The following COL4A2 variants were observed in gnomAD, a reference collection of about 807,000 sequenced individuals.
The protein encoded by COL4A2 is collagen alpha-2(IV) chain.
A neutral mutation model predicts 200.2 loss-of-function variants in COL4A2; 99 were observed. The observed-to-expected ratio is 0.49, with a 90% CI of 0.42 to 0.58. COL4A2 has a LOEUF of 0.58. COL4A2 is among the 20% of genes least tolerant of loss of function. The pLI, the probability that COL4A2 is intolerant of heterozygous loss-of-function variation, is 0.00. For synonymous variants in COL4A2, 897 were observed against 900.6 expected, an observed-to-expected ratio of 1.00 and a Z score of 0.07; for missense variants, 1,950 against 2,314.1, an observed-to-expected ratio of 0.84 and a Z score of 3.23.
At chr13:110,472,246 G>A (rs1882501249) in intron 28 of COL4A2, among the ~76,000 whole-genome samples, 1 of 151,908 alleles carries the variant, frequency 6.6e-6, no homozygotes, top group African/African-American at 2.4e-5. Flanking sequence ...CTCCTGAGTA[G>A]CTGGGACTAC....
chr13:110,465,639 G>C, intron 25 of COL4A2, 33 bp downstream of exon 25: 1 of 1,533,664 alleles, frequency 6.5e-7, no homozygotes, highest in Non-Finnish European at 8.9e-7. Context: ...ACCTTTCACA[G>C]TCCTGAGACA....
At chr13:110,469,150 C>A in intron 27 of COL4A2, 67 bp from the exon 28 acceptor site, 1 of 1,529,644 alleles carries the variant, frequency 6.5e-7, no homozygotes, top group South Asian at 1.2e-5. Flanking sequence ...AGTCAGATGC[C>A]AAGCATGACC....
At chr13:110,424,651 ATGTAGTTTTG>A in intron 4 of COL4A2, 73 bp from the exon 5 acceptor site, 1 of 911,790 alleles carries the variant, frequency 1.1e-6, no homozygotes, top group Non-Finnish European at 1.7e-6. Context: ...AAAAAAAAAA[ATGTAGTTTTG>A]AAAGTAACCG....
chr13:110,455,462 C>T (rs1432772516), intron 20 of COL4A2, among the ~76,000 whole-genome samples: 1 of 152,208 alleles, frequency 6.6e-6, no homozygotes, highest in Non-Finnish European at 1.5e-5. Context: ...CACTGGGCCT[C>T]TCCCTGCTGC....
At chr13:110,327,343 A>C (rs1885445841) in intron 3 of COL4A2, among the ~76,000 whole-genome samples, 1 of 152,148 alleles carries the variant, frequency 6.6e-6, no homozygotes, top group African/African-American at 2.4e-5. Flanking sequence ...CAGCACACAC[A>C]ATCACCCACT....
intron 4 of COL4A2, among the ~76,000 whole-genome samples, chr13:110,409,452 C>T (rs543129857): frequency 6.6e-6 from 1 of 152,256 alleles, no homozygotes; most frequent in Non-Finnish European, 1.5e-5. Flanking sequence ...TTGGTGTCTG[C>T]GCTGCTGCCG....
chr13:110,437,183 AC>A (rs1173660242), intron 13 of COL4A2, among the ~76,000 whole-genome samples: 1 of 152,112 alleles, frequency 6.6e-6, no homozygotes, highest in East Asian at 1.9e-4. Flanking sequence ...GGCAGGCAGG[AC>A]CACTGCCTTG....
intron 4 of COL4A2, among the ~76,000 whole-genome samples, chr13:110,362,540 T>G (rs1877565843): frequency 6.6e-6 from 1 of 152,044 alleles, no homozygotes; most frequent in Non-Finnish European, 1.5e-5. Context: ...AGTCTGGTCT[T>G]GAACTCCTAA....
intron 4 of COL4A2, 115 bp from the exon 5 acceptor site, chr13:110,424,619 T>A (rs986921498): frequency 2.7e-5 from 17 of 622,428 alleles, no homozygotes; most frequent in Non-Finnish European, 4.2e-5. Flanking sequence ...ATGTTCCCTG[T>A]AGATTATAGC....
intron 40 of COL4A2, among the ~76,000 whole-genome samples, chr13:110,499,231 G>A (rs1380386072): frequency 1.3e-5 from 2 of 152,202 alleles, no homozygotes; most frequent in African/African-American, 4.8e-5. Context: ...AGAAATACCA[G>A]AGACTGGGTA....
rs111594847 is a variant in COL4A2 at position 110,485,472 on chromosome 13, G to A, written c.3026-183G>A. ...GGGGAGGCAGAGCTTGTAGTGAGCCGAGATTGCGCCACTGCACTCCAGCCT... is the reference window on the plus strand; with the variant it reads ...GGGGAGGCAGAGCTTGTAGTGAGCCAAGATTGCGCCACTGCACTCCAGCCT... On this transcript the variant is annotated intron_variant, in intron 33 of 47. Transcript: ENST00000360467. 0.02 allele frequency among the ~76,000 whole-genome samples: 2,787 copies of A among 141,986 alleles called. 85 individuals are homozygous for A. The highest frequency in any genetic ancestry group is 0.069 in the African/African-American group (2,604 of 37,992). The allele number at this position is 141,986 out of a possible 152,430, so 93.1% of individuals were successfully genotyped here.
chr13:110,437,962 C>G lies in COL4A2; in HGVS notation c.826-40C>G, dbSNP rs1880958263. The G allele has an allele frequency of 1.9e-6, 3 of 1,570,734 alleles. No homozygotes were observed. The South Asian group carries it at 3.3e-5, about 17-fold the overall frequency. On this transcript the variant is annotated intron_variant, in intron 13 of 47. Coordinates refer to ENST00000360467, the MANE Select transcript of COL4A2 (RefSeq NM_001846.4). The stretch of plus-strand genomic sequence containing the variant: ...ATTGATTTTTACCCATTACCATCCT[C>G]AAATTAATAAGCGTTTCTTATTTTT...
chr13:110,415,736 G>T (rs1317588029), intron 4 of COL4A2, among the ~76,000 whole-genome samples: 1 of 152,246 alleles, frequency 6.6e-6, no homozygotes, highest in African/African-American at 2.4e-5. Context: ...TGGAAGACAG[G>T]CGGCCTGCTT....
rs1418477031 is a variant in COL4A2, at chr13:110,449,746, C to T, written c.1146C>T (p.Asp382=). The change falls in exon 19 of 48, where the codon GAC becomes GAT. Residue 382 remains aspartate (D), a synonymous_variant. Transcript: ENST00000360467. The stretch of plus-strand genomic sequence containing the variant: ...CAGGAAGCCAGGGTGAGCCAGGAGA[C>T]CCGGGCCTCCCAGGTCCCCCTGGCC... The part of the protein sequence containing the change: ...GEPGSQGEPG[D]PGLPGPPGLS... 9.7e-6 allele frequency: 15 copies of T among 1,549,170 alleles called. No individual in the cohort carries two copies. The highest frequency in any genetic ancestry group is 1.2e-5 in the Non-Finnish European group (14 of 1,146,654).
chr13:110,485,797 C>G lies in COL4A2; in HGVS notation c.3168C>G (p.Pro1056=). 6.2e-7 allele frequency: 1 copy of G among 1,613,790 alleles called. No homozygotes were observed. Among genetic ancestry groups the G allele is most frequent in the Non-Finnish European group, 8.5e-7 (1 of 1,179,906 alleles). ...CAGGATTCCCTGGGGTGGCTGGCCC[C>G]CCTGGAATTACGGGATTCCCAGGAT... ...GLPGFPGVAG[P]PGITGFPGFI... is the part of the protein sequence containing the mutation. Residue 1056 remains proline (P), a synonymous_variant, in exon 34 of 48, where the codon CCC becomes CCG. Coordinates refer to ENST00000360467, the MANE Select transcript of COL4A2 (RefSeq NM_001846.4).
At chr13:110,416,641 AGAG>A (rs1182288703) in intron 4 of COL4A2, among the ~76,000 whole-genome samples, 1 of 152,246 alleles carries the variant, frequency 6.6e-6, no homozygotes, top group African/African-American at 2.4e-5. Context: ...TGGGTGGGGA[AGAG>A]GAGATCATCC....
intron 13 of COL4A2, 139 bp downstream of exon 13, chr13:110,436,506 C>G (rs1880891993): frequency 8.6e-7 from 1 of 1,167,924 alleles, no homozygotes; most frequent in South Asian, 1.9e-5. Flanking sequence ...GAAAACATAA[C>G]CGGGTCCTCC....
intron 20 of COL4A2, among the ~76,000 whole-genome samples, chr13:110,455,304 G>C (rs371413499): frequency 6.6e-6 from 1 of 152,112 alleles, no homozygotes; most frequent in African/African-American, 2.4e-5. Flanking sequence ...CTGGCCTTCT[G>C]CCTATTTCAG....
At chr13:110,357,353 A>G (rs1877321815) in intron 3 of COL4A2, 119 bp from the exon 4 acceptor site, 1 of 1,409,120 alleles carries the variant, frequency 7.1e-7, no homozygotes, top group African/African-American at 1.5e-5. Flanking sequence ...AGCCTTATTG[A>G]ATGTTTTGAA....
Sources: gnomAD v4.1 joint callset for allele counts (sites outside exome capture counted in the v4.1 genomes callset) on GRCh38, gnomAD v4.1.1 for gene constraint, MANE v1.5 for transcripts, NCBI Gene and HGNC (gene_info 2026-07-23, HGNC 2026-07-21) for gene names.